Variants in HLCS observed in about 807,000 individuals in gnomAD.
HLCS encodes holocarboxylase synthetase.
Under a neutral mutation model 75.0 loss-of-function variants are expected in HLCS, and 53 were observed. That is an observed-to-expected ratio of 0.71 (90% CI 0.57 to 0.89). The LOEUF (loss-of-function observed/expected upper bound fraction) is 0.89, where lower values mean the gene tolerates loss of function less well. Among genes scored for constraint, HLCS ranks in the 40% least tolerant of loss-of-function variants. The pLI is 0.00. For synonymous variants in HLCS, 431 were observed against 428.6 expected (o/e 1.01, Z -0.07); for missense variants, 966 against 1,074.0 (o/e 0.90, Z 1.41).
In HLCS at chr21:36,784,318, T is replaced by C. The variant is rs866467049; in HGVS notation, c.1893-17033A>G. On this transcript the variant is annotated intron_variant, in intron 6 of 10. Coordinates refer to ENST00000674895, the MANE Select transcript of HLCS (RefSeq NM_001352514.2). ...AAGGTAGAAATACCACCTCTTTTTT[T>C]TTTTTTTTTTTTTAATGAGACAGAG... 3.5e-3 allele frequency among the ~76,000 whole-genome samples: 525 copies of C among 151,094 alleles called. 4 individuals carry two copies. The highest frequency in any genetic ancestry group is 0.012 in the African/African-American group (497 of 41,068).
intron 6 of HLCS, among the ~76,000 whole-genome samples, chr21:36,810,666 C>A (rs1299350381): frequency 2.0e-5 from 3 of 152,180 alleles, no homozygotes; most frequent in Non-Finnish European, 4.4e-5. Context: ...GAGGATCTGT[C>A]TGGTAAGATC....
intron 6 of HLCS, among the ~76,000 whole-genome samples, chr21:36,794,357 C>T (rs746405701): frequency 2.0e-4 from 30 of 152,208 alleles, no homozygotes; most frequent in Admixed American, 2.0e-4. Context: ...TTCAAGTGGT[C>T]CCTGAAGGCT....
chr21:36,751,308 T>C lies in HLCS; in HGVS notation c.*2938A>G, dbSNP rs535140633. On this transcript the variant is annotated 3_prime_UTR_variant, in exon 11 of 11. Transcript: ENST00000674895. ...AAAATTGCAGAGGCTTACGCTTTCT[T>C]TTATTTCAAATATGCATAGTGATTA... 6 of 152,818 alleles carry C rather than the reference T, an allele frequency of 3.9e-5. No homozygotes were observed. In the South Asian group the frequency reaches 1.2e-3, roughly 32 times the overall value. The allele number at this position is 152,818 out of a possible 1,614,324, so 9.5% of individuals were successfully genotyped here.
chr21:36,898,172 G>A (rs1337487132), intron 5 of HLCS, among the ~76,000 whole-genome samples: 4 of 152,062 alleles, frequency 2.6e-5, no homozygotes, highest in Non-Finnish European at 4.4e-5. Context: ...AGGTCCGCGC[G>A]CAGTGGTTCA....
chr21:36,857,727 T>A lies in HLCS; in HGVS notation c.1892+39133A>T, dbSNP rs936402967. 3.9e-5 allele frequency among the ~76,000 whole-genome samples: 6 copies of A among 152,188 alleles called. 1 individual carries two copies. Among genetic ancestry groups the A allele is most frequent in the Admixed American group, 3.9e-4 (6 of 15,278 alleles). On this transcript the variant is annotated intron_variant, in intron 6 of 10. Coordinates refer to ENST00000674895, the MANE Select transcript of HLCS (RefSeq NM_001352514.2). The stretch of plus-strand genomic sequence containing the variant: ...TCAACAAAGCAGAGTGATCCTGTTT[T>A]CCCCATAAAAGCCCAGTTTTTAGCT...
intron 6 of HLCS, among the ~76,000 whole-genome samples, chr21:36,852,288 A>G (rs778101916): frequency 1.3e-5 from 2 of 152,244 alleles, no homozygotes; most frequent in African/African-American, 2.4e-5. Flanking sequence ...ATCAGCTGTT[A>G]GTAAATCTAA....
chr21:36,872,444 A>G (rs2063805782), intron 6 of HLCS, among the ~76,000 whole-genome samples: 1 of 151,816 alleles, frequency 6.6e-6, no homozygotes, highest in Admixed American at 6.6e-5. Flanking sequence ...TCAATATTTT[A>G]GTTTTTATGT....
chr21:36,964,187 T>C (rs956315749), intron 1 of HLCS, among the ~76,000 whole-genome samples: 1 of 152,208 alleles, frequency 6.6e-6, no homozygotes, highest in Non-Finnish European at 1.5e-5. Flanking sequence ...ATCGCGCCAC[T>C]GCACTCCAGC....
intron 2 of HLCS, among the ~76,000 whole-genome samples, chr21:36,957,052 CAAAAAA>C (rs3035105): frequency 9.3e-6 from 1 of 108,076 alleles, no homozygotes; most frequent in Non-Finnish European, 1.9e-5. Context: ...GACTCCGTCT[CAAAAAA>C]AAAAAAAAAA....
At chr21:36,926,713 A>G (rs2066422360) in intron 5 of HLCS, among the ~76,000 whole-genome samples, 1 of 150,776 alleles carries the variant, frequency 6.6e-6, no homozygotes, top group South Asian at 2.1e-4. Flanking sequence ...AGTCCCATAT[A>G]TACCAGATTT....
intron 1 of HLCS, among the ~76,000 whole-genome samples, chr21:36,977,962 G>A (rs80028079): frequency 0.087 from 13,184 of 152,216 alleles, 1,415 homozygotes; most frequent in African/African-American, 0.26. Context: ...TCTTCGTGGG[G>A]AAACTATTAC....
At chr21:36,820,013 C>A (rs2061779266) in intron 6 of HLCS, among the ~76,000 whole-genome samples, 1 of 152,182 alleles carries the variant, frequency 6.6e-6, no homozygotes, top group Non-Finnish European at 1.5e-5. Flanking sequence ...CAAAAATAAA[C>A]CAGACTCACG....
At chr21:36,989,026 T>TTTTA (rs1168326459) in intron 1 of HLCS, among the ~76,000 whole-genome samples, 7 of 141,204 alleles carry the variant, frequency 5.0e-5, no homozygotes, top group Middle Eastern at 3.6e-3. Context: ...TTTTATTTTA[T>TTTTA]TTTATTTATT....
intron 6 of HLCS, among the ~76,000 whole-genome samples, chr21:36,858,786 G>A (rs1223979141): frequency 1.3e-5 from 2 of 152,220 alleles, no homozygotes; most frequent in Non-Finnish European, 2.9e-5. Flanking sequence ...GCTGTGCGGG[G>A]CAAGTGCCTT....
At position 36,936,731 on chromosome 21, in the gene HLCS, A is replaced by G; in HGVS notation, c.1155T>C (p.Ser385=). ...ACAGGCCCAACACCTTCCCTCCCTGAGAAAGATAGGCCATGAACTTCTGGT... is the reference window on the plus strand; with the variant it reads ...ACAGGCCCAACACCTTCCCTCCCTGGGAAAGATAGGCCATGAACTTCTGGT... ...DLYQKFMAYL[S]QGGKVLGLSS... is the part of the protein sequence containing the mutation. Residue 385 remains serine (S), a synonymous_variant, in exon 4 of 11, where the codon TCT becomes TCC. Transcript: ENST00000674895. The G allele has an allele frequency of 6.2e-7, 1 of 1,614,230 alleles. No homozygotes were observed. Among genetic ancestry groups the G allele is most frequent in the Non-Finnish European group, 8.5e-7 (1 of 1,180,044 alleles).
chr21:36,865,998 C>G (rs1301318842), intron 6 of HLCS, among the ~76,000 whole-genome samples: 1 of 152,138 alleles, frequency 6.6e-6, no homozygotes, highest in Non-Finnish European at 1.5e-5. Flanking sequence ...TAATACTCAA[C>G]TTTTTTCACA....
At chr21:36,886,494 C>T (rs1406635533) in intron 6 of HLCS, among the ~76,000 whole-genome samples, 1 of 151,886 alleles carries the variant, frequency 6.6e-6, no homozygotes, top group African/African-American at 2.4e-5. Context: ...CAGCAGAATC[C>T]CTGCCATGGC....
At chr21:36,790,579 T>C (rs1320397642) in intron 6 of HLCS, among the ~76,000 whole-genome samples, 1 of 152,228 alleles carries the variant, frequency 6.6e-6, no homozygotes, top group Non-Finnish European at 1.5e-5. Flanking sequence ...CATAGACATA[T>C]TCTGTATCTG....
chr21:36,780,514 G>A lies in HLCS; in HGVS notation c.1893-13229C>T, dbSNP rs188576113. ...ATTACAGGCATAAGCCACCGCACCC[G>A]GCTCCTCATTTCTTCTTAAAGCTGA... On this transcript the variant is annotated intron_variant, in intron 6 of 10. Coordinates refer to ENST00000674895, the MANE Select transcript of HLCS (RefSeq NM_001352514.2). Among the ~76,000 whole-genome samples, 268 of 152,186 alleles carry A rather than the reference G, an allele frequency of 1.8e-3. 2 individuals carry two copies. The highest frequency in any genetic ancestry group is 6.2e-3 in the African/African-American group (258 of 41,490).
Sources: allele counts gnomAD v4.1 joint callset (sites outside exome capture counted in the v4.1 genomes callset), GRCh38; gene constraint gnomAD v4.1.1; transcripts MANE v1.5; gene names NCBI Gene and HGNC (gene_info 2026-07-23, HGNC 2026-07-21).